AFF3: variants seen among roughly 807,000 people sequenced by gnomAD.
AFF3 encodes ALF transcription elongation factor 3, also known as AF4/FMR2 family member 3.
Under a neutral mutation model 129.7 loss-of-function variants are expected in AFF3, and 32 were observed. The observed-to-expected ratio is 0.25, with a 90% CI of 0.19 to 0.33. The LOEUF (loss-of-function observed/expected upper bound fraction) is 0.33, where lower values mean the gene tolerates loss of function less well. AFF3 is among the 10% of genes least tolerant of loss of function. The pLI, the probability that AFF3 is intolerant of heterozygous loss-of-function variation, is 1.00. For missense variants in AFF3, 1,373 were observed against 1,592.0 expected (o/e 0.86, Z 2.34); for synonymous variants, 644 against 635.4 (o/e 1.01, Z -0.20).
intron 7 of AFF3, among the ~76,000 whole-genome samples, chr2:99,958,512 A>G (rs1676887256): frequency 6.6e-6 from 1 of 151,860 alleles, no homozygotes; most frequent in Non-Finnish European, 1.5e-5. Context: ...GGAGGACACA[A>G]TGCGACACAA....
At chr2:100,001,235 G>A (rs1162823615) in intron 7 of AFF3, among the ~76,000 whole-genome samples, 2 of 152,164 alleles carry the variant, frequency 1.3e-5, no homozygotes, top group African/African-American at 4.8e-5. Context: ...CCACCCTTGA[G>A]GCTAGAAAAC....
chr2:99,697,767 C>T (rs1034145668), intron 11 of AFF3, among the ~76,000 whole-genome samples: 1 of 152,204 alleles, frequency 6.6e-6, no homozygotes, highest in Non-Finnish European at 1.5e-5. Context: ...CTTCCTTGTG[C>T]TTTCTTTACA....
At chr2:99,960,763 T>C (rs1410135986) in intron 7 of AFF3, among the ~76,000 whole-genome samples, 4 of 152,122 alleles carry the variant, frequency 2.6e-5, no homozygotes, top group Non-Finnish European at 1.5e-5. Context: ...GGAAGAGACA[T>C]TTGCAGGTTC....
intron 7 of AFF3, among the ~76,000 whole-genome samples, chr2:99,839,847 T>C (rs1689186013): frequency 6.6e-6 from 1 of 152,082 alleles, no homozygotes; most frequent in Non-Finnish European, 1.5e-5. Context: ...CCTGACCTTG[T>C]GATCTGTCCG....
chr2:99,903,836 G>A (rs1179992814), intron 7 of AFF3, among the ~76,000 whole-genome samples: 3 of 151,974 alleles, frequency 2.0e-5, no homozygotes, highest in Non-Finnish European at 2.9e-5. Flanking sequence ...TGCCAATTAC[G>A]AACCTTCTTC....
At chr2:100,113,033 G>C (rs1208654321) in intron 2 of AFF3, among the ~76,000 whole-genome samples, 1 of 152,196 alleles carries the variant, frequency 6.6e-6, no homozygotes, top group Non-Finnish European at 1.5e-5. Context: ...GGACTTGACT[G>C]AGTGTCAGCC....
chr2:99,719,128 G>GT lies in AFF3; in HGVS notation c.1091+7948dup, dbSNP rs372334851. ...CTTCTAGTCCTAGTTGGCTGGGAGT[G>GT]TTTTTTTTTTCTTTTTAAATCATGA... On this transcript the variant is annotated intron_variant, in intron 11 of 24. Coordinates refer to ENST00000672756, the MANE Select transcript of AFF3 (RefSeq NM_001386135.1). Among the ~76,000 whole-genome samples the GT allele has an allele frequency of 1.1e-3, 150 of 137,216 alleles. 1 individual carries two copies. The Middle Eastern group carries it at 0.015, about 14-fold the overall frequency. The allele number at this position is 137,216 out of a possible 152,430, so 90.0% of individuals were successfully genotyped here.
At chr2:99,986,914 CA>C (rs1414492053) in intron 7 of AFF3, among the ~76,000 whole-genome samples, 1 of 152,158 alleles carries the variant, frequency 6.6e-6, no homozygotes, top group African/African-American at 2.4e-5. Context: ...ACTTAGGAAA[CA>C]AGTGGTGGTT....
At chr2:100,139,315 C>T (rs1304777139) in intron 1 of AFF3, among the ~76,000 whole-genome samples, 1 of 152,158 alleles carries the variant, frequency 6.6e-6, no homozygotes, top group Non-Finnish European at 1.5e-5. Context: ...TTTAACATGT[C>T]CCCTGGTCTG....
chr2:100,038,426 A>G (rs543234051), intron 4 of AFF3, among the ~76,000 whole-genome samples: 2 of 152,282 alleles, frequency 1.3e-5, no homozygotes, highest in South Asian at 4.1e-4. Context: ...TCTGATCAAA[A>G]AGTGTTTTAC....
intron 8 of AFF3, among the ~76,000 whole-genome samples, chr2:99,826,010 A>G (rs1337974600): frequency 6.8e-6 from 1 of 146,628 alleles, no homozygotes; most frequent in Non-Finnish European, 1.5e-5. Flanking sequence ...TTATTCACTT[A>G]AAAAATTTTT....
chr2:99,839,771 C>T (rs1689177074), intron 7 of AFF3, among the ~76,000 whole-genome samples: 1 of 151,866 alleles, frequency 6.6e-6, no homozygotes, highest in Non-Finnish European at 1.5e-5. Flanking sequence ...ATCACCATGC[C>T]CGGCTAATTT....
intron 4 of AFF3, among the ~76,000 whole-genome samples, chr2:100,021,086 C>A (rs1347858897): frequency 6.6e-6 from 1 of 152,180 alleles, no homozygotes; most frequent in African/African-American, 2.4e-5. Flanking sequence ...GAAGGTCTCA[C>A]TTTAGTGATT....
At chr2:99,737,854 G>A (rs955923131) in intron 10 of AFF3, among the ~76,000 whole-genome samples, 2 of 150,726 alleles carry the variant, frequency 1.3e-5, no homozygotes, top group East Asian at 3.9e-4. Context: ...GTCTCTCTAG[G>A]CTGCATTCTA....
At chr2:99,920,605 G>T (rs568899231) in intron 7 of AFF3, among the ~76,000 whole-genome samples, 17 of 152,058 alleles carry the variant, frequency 1.1e-4, no homozygotes, top group African/African-American at 4.1e-4. Flanking sequence ...ATTTGACAGT[G>T]AAATTTTAAA....
At chr2:99,699,444 C>T (rs1044974881) in intron 11 of AFF3, among the ~76,000 whole-genome samples, 3 of 152,176 alleles carry the variant, frequency 2.0e-5, no homozygotes, top group Admixed American at 2.0e-4. Context: ...CAGGACCTAT[C>T]GCCTGGCATA....
In AFF3 at chr2:99,900,333, T is replaced by C. The variant is rs369659158; in HGVS notation, c.874-62809A>G. ...AGCTTTCAGGATGCAGAGACTGTTA[T>C]AGATCAGAAATTTGGTTTGGGTCAC... On this transcript the variant is annotated intron_variant, in intron 7 of 24. Transcript: ENST00000672756. Among the ~76,000 whole-genome samples the C allele has an allele frequency of 1.1e-4, 17 of 152,320 alleles. No homozygotes were observed. The East Asian group carries it at 3.1e-3, about 28-fold the overall frequency.
chr2:99,754,950 A>G (rs1055235301), intron 8 of AFF3, among the ~76,000 whole-genome samples: 2 of 152,178 alleles, frequency 1.3e-5, no homozygotes, highest in Admixed American at 6.6e-5. Context: ...GTCTATTATC[A>G]GTCTTTCTTC....
At chr2:99,640,419 C>T (rs1365003643) in intron 13 of AFF3, among the ~76,000 whole-genome samples, 1 of 152,064 alleles carries the variant, frequency 6.6e-6, no homozygotes. Context: ...TTCATCACCT[C>T]TTTTAATCTG....
Sources: allele counts gnomAD v4.1 joint callset (sites outside exome capture counted in the v4.1 genomes callset), GRCh38; gene constraint gnomAD v4.1.1; transcripts MANE v1.5; gene names NCBI Gene and HGNC (gene_info 2026-07-23, HGNC 2026-07-21).